GOSR2: variants seen among roughly 807,000 people sequenced by gnomAD.
GOSR2 encodes 27 kDa Golgi SNARE protein.
A neutral mutation model predicts 27.9 loss-of-function variants in GOSR2; 20 were observed. That is an observed-to-expected ratio of 0.72 (90% CI 0.50 to 1.04). The LOEUF is 1.04. GOSR2 is among the 50% of genes least tolerant of loss of function. The pLI, the probability that GOSR2 is intolerant of heterozygous loss-of-function variation, is 0.00. For missense variants in GOSR2, 261 were observed against 270.5 expected, an observed-to-expected ratio of 0.97 and a Z score of 0.25; for synonymous variants, 91 against 98.8, an observed-to-expected ratio of 0.92 and a Z score of 0.47.
At chr17:46,924,916 G>A (rs1393413150) in intron 1 of GOSR2, among the ~76,000 whole-genome samples, 1 of 152,154 alleles carries the variant, frequency 6.6e-6, no homozygotes, top group African/African-American at 2.4e-5. Context: ...TTAGTTAAAG[G>A]ATGTTGCCAA....
chr17:46,934,323 T>C (rs1475180179), intron 4 of GOSR2, among the ~76,000 whole-genome samples: 1 of 152,008 alleles, frequency 6.6e-6, no homozygotes, highest in Non-Finnish European at 1.5e-5. Context: ...AGCAACATGG[T>C]GAAACCCTGT....
At chr17:46,942,184 C>T (rs1013688953), downstream of GOSR2, among the ~76,000 whole-genome samples, 2 of 152,218 alleles carry the variant, frequency 1.3e-5, no homozygotes. Flanking sequence ...CCTAATTTGA[C>T]TTTCAGCTCC....
intron 1 of GOSR2, among the ~76,000 whole-genome samples, chr17:46,926,063 C>T (rs1456927585): frequency 1.3e-5 from 2 of 152,150 alleles, no homozygotes; most frequent in African/African-American, 2.4e-5. Flanking sequence ...ATTTAACAAG[C>T]TCCCTAGGTG....
chr17:46,961,418 C>G (rs2091043091), intron 6 of GOSR2, among the ~76,000 whole-genome samples: 1 of 151,968 alleles, frequency 6.6e-6, no homozygotes, highest in South Asian at 2.1e-4. Context: ...ATCTATCGTC[C>G]CAGCTATTTG....
At chr17:46,923,763 C>G in intron 1 of GOSR2, 4 of 418,812 alleles carry the variant, frequency 9.6e-6, no homozygotes, top group Non-Finnish European at 1.6e-5. Context: ...TACAGGTTAT[C>G]GCTAAGAAAA....
At chr17:46,931,720 G>A (rs2087422059) in intron 3 of GOSR2, 2 of 342,878 alleles carry the variant, frequency 5.8e-6, no homozygotes, top group African/African-American at 2.1e-5. Context: ...CCTCAAAGAT[G>A]CCCTTGGGCT....
intron 6 of GOSR2, among the ~76,000 whole-genome samples, chr17:46,961,432 G>A (rs186086433): frequency 9.2e-5 from 14 of 152,240 alleles, no homozygotes; most frequent in Middle Eastern, 3.4e-3. Flanking sequence ...CTATTTGGAA[G>A]GCTGAGGTGA....
chr17:46,955,630 C>A (rs1457661747), intron 6 of GOSR2: 4 of 152,216 alleles, frequency 2.6e-5, no homozygotes, highest in Admixed American at 2.6e-4. Flanking sequence ...ACCTCTGAAG[C>A]AGTGCATGGC....
downstream of GOSR2, among the ~76,000 whole-genome samples, chr17:46,970,683 C>T (rs905736435): frequency 1.3e-5 from 2 of 152,154 alleles, no homozygotes; most frequent in African/African-American, 4.8e-5. Context: ...GCTCCACTCA[C>T]GTGGACGGGG....
chr17:46,938,520 T>G, intron 5 of GOSR2, 79 bp from the exon 6 acceptor site: 1 of 1,605,582 alleles, frequency 6.2e-7, no homozygotes. Flanking sequence ...TTGGCAAAGC[T>G]CCATCTCCTG....
chr17:46,946,037 C>T (rs534863545), downstream of GOSR2, among the ~76,000 whole-genome samples: 1 of 152,232 alleles, frequency 6.6e-6, no homozygotes, highest in African/African-American at 2.4e-5. Context: ...CCTTGGAAGG[C>T]GGGGCCTCCA....
intron 1 of GOSR2, among the ~76,000 whole-genome samples, chr17:46,928,356 G>A (rs573493690): frequency 5.3e-5 from 8 of 152,300 alleles, no homozygotes; most frequent in East Asian, 1.9e-4. Context: ...CATTGCTCAC[G>A]ATGCAGAATG....
intron 6 of GOSR2, among the ~76,000 whole-genome samples, chr17:46,951,628 G>A (rs138994474): frequency 5.3e-5 from 8 of 152,252 alleles, no homozygotes; most frequent in East Asian, 3.9e-4. Context: ...CCATTCTTCC[G>A]GAACTTAGCA....
chr17:46,931,714 A>G (rs2087420918), intron 3 of GOSR2: 2 of 346,022 alleles, frequency 5.8e-6, no homozygotes, highest in Non-Finnish European at 1.0e-5. Flanking sequence ...GCTTTACCTC[A>G]AAGATGCCCT....
downstream of GOSR2, among the ~76,000 whole-genome samples, chr17:46,970,268 C>A (rs575713077): frequency 6.6e-6 from 1 of 152,254 alleles, no homozygotes; most frequent in African/African-American, 2.4e-5. Context: ...AGACCAGCCG[C>A]GGTGGCTCAC....
Position 46,947,926 on chromosome 17 carries a change from G to A in GOSR2, c.583+9222G>A, listed in dbSNP as rs181675506. 6.6e-5 allele frequency among the ~76,000 whole-genome samples: 10 copies of A among 152,252 alleles called. No homozygotes were observed. In the East Asian group the frequency reaches 7.7e-4, roughly 12 times the overall value. Reference sequence around the variant, plus strand: ...TGGGATTACAGGCATGTGCCACCACGCCTGGCTAATTTTTCGTGTTTTTAC... The same window carrying A: ...TGGGATTACAGGCATGTGCCACCACACCTGGCTAATTTTTCGTGTTTTTAC... On this transcript the variant is annotated intron_variant, in intron 6 of 6. Transcript: ENST00000573224.
At chr17:46,945,933 G>A (rs781388185), downstream of GOSR2, among the ~76,000 whole-genome samples, 38 of 152,146 alleles carry the variant, frequency 2.5e-4, 1 homozygote, top group Non-Finnish European at 4.1e-4. Flanking sequence ...TATAAATTCC[G>A]TGTCCATGGT....
intron 6 of GOSR2, among the ~76,000 whole-genome samples, chr17:46,972,056 C>T (rs1164075768): frequency 6.6e-6 from 1 of 150,430 alleles, no homozygotes. Context: ...ACTGTCTCAA[C>T]CATAATCACC....
At chr17:46,969,126 C>T (rs946588823), downstream of GOSR2, among the ~76,000 whole-genome samples, 2 of 152,230 alleles carry the variant, frequency 1.3e-5, no homozygotes, top group Non-Finnish European at 2.9e-5. Flanking sequence ...GCCGATCTCG[C>T]TCTGGCTCCC....
Sources: gnomAD v4.1 joint callset for allele counts (sites outside exome capture counted in the v4.1 genomes callset) on GRCh38, gnomAD v4.1.1 for gene constraint, MANE v1.5 for transcripts, NCBI Gene and HGNC (gene_info 2026-07-23, HGNC 2026-07-21) for gene names.